ATG16L1: variants seen among roughly 807,000 people sequenced by gnomAD.
ATG16L1 encodes autophagy related 16 like 1.
ATG16L1 carries 37 observed loss-of-function variants against 88.5 expected under a neutral mutation model. That is an observed-to-expected ratio of 0.42 (90% CI 0.32 to 0.55). The LOEUF is 0.55. ATG16L1 is among the 20% of genes least tolerant of loss of function. ATG16L1 has a pLI of 0.13. For synonymous variants in ATG16L1, 301 were observed against 281.0 expected (o/e 1.07, Z -0.71); for missense variants, 554 against 752.8 (o/e 0.74, Z 3.09).
At chr2:233,264,830 C>T (rs1204087213) in intron 4 of ATG16L1, 62 bp from the exon 5 acceptor site, 13 of 1,596,160 alleles carry the variant, frequency 8.1e-6, no homozygotes, top group South Asian at 3.4e-5. Flanking sequence ...CAGCCAGGTC[C>T]GTCTGGCTCT....
At chr2:233,271,564 C>T (rs1482733518) in intron 6 of ATG16L1, among the ~76,000 whole-genome samples, 1 of 152,266 alleles carries the variant, frequency 6.6e-6, no homozygotes, top group Non-Finnish European at 1.5e-5. Context: ...AGGCATGAGC[C>T]ACCGAGCCCG....
At chr2:233,275,677 C>G (rs1698299624) in intron 9 of ATG16L1, 1 of 507,568 alleles carries the variant, frequency 2.0e-6, no homozygotes, top group Non-Finnish European at 4.0e-6. Context: ...ACGCCCCTTC[C>G]CAGTCCCACT....
At position 233,265,138 on chromosome 2, in the gene ATG16L1, C is replaced by T; in HGVS notation, c.636C>T (p.Asp212=). 1.9e-6 allele frequency: 3 copies of T among 1,613,892 alleles called. No individual in the cohort carries two copies. Among genetic ancestry groups the T allele is most frequent in the African/African-American group, 1.3e-5 (1 of 74,972 alleles). ...ANRLNAENEK[D]SRRRQARLQK... ...GGCTTAATGCAGAGAATGAAAAAGA[C>T]TCCAGGTGGGCTATCAATCCACAGT... Residue 212 remains aspartate (D), a synonymous_variant, in exon 5 of 18, where the codon GAC becomes GAT. Coordinates refer to ENST00000392017, the MANE Select transcript of ATG16L1 (RefSeq NM_030803.7).
intron 12 of ATG16L1, among the ~76,000 whole-genome samples, chr2:233,289,408 T>TGTGTGTGTGTGTGA (rs144316394): frequency 6.5e-4 from 97 of 149,654 alleles, no homozygotes; most frequent in Non-Finnish European, 1.1e-3. Context: ...TGTGTGTGTG[T>TGTGTGTGTGTGTGA]GACAGGATCT....
intron 2 of ATG16L1, among the ~76,000 whole-genome samples, chr2:233,256,851 A>C (rs866236802): frequency 2.0e-5 from 3 of 150,522 alleles, no homozygotes; most frequent in African/African-American, 7.3e-5. Context: ...ACAGGAACCC[A>C]CCACCACACC....
chr2:233,254,024 A>T (rs115395619), intron 1 of ATG16L1, among the ~76,000 whole-genome samples: 1,628 of 152,276 alleles, frequency 0.011, 29 homozygotes, highest in African/African-American at 0.037. Flanking sequence ...TAAAATGGGG[A>T]TGAAGCTTGC....
At chr2:233,293,569 T>TAA (rs1699611098) in intron 17 of ATG16L1, among the ~76,000 whole-genome samples, 1 of 152,058 alleles carries the variant, frequency 6.6e-6, no homozygotes, top group South Asian at 2.1e-4. Context: ...GTAGAGCGGT[T>TAA]AGAGTGGCAG....
intron 10 of ATG16L1, among the ~76,000 whole-genome samples, chr2:233,280,145 C>A (rs1698626961): frequency 6.6e-6 from 1 of 152,162 alleles, no homozygotes; most frequent in Non-Finnish European, 1.5e-5. Context: ...CAGCTTCAAA[C>A]CAGTATTCGT....
chr2:233,258,331 G>A (rs1412946464), intron 2 of ATG16L1, among the ~76,000 whole-genome samples: 1 of 152,178 alleles, frequency 6.6e-6, no homozygotes, highest in Non-Finnish European at 1.5e-5. Context: ...TCCTAGAGCT[G>A]TAGCTGCTCT....
At chr2:233,293,073 C>G (rs904376156) in intron 16 of ATG16L1, among the ~76,000 whole-genome samples, 183 bp from the exon 17 acceptor site, 1 of 152,166 alleles carries the variant, frequency 6.6e-6, no homozygotes, top group African/African-American at 2.4e-5. Context: ...CCGGACGGGG[C>G]TGAAATACTG....
chr2:233,294,978 A>G lies in ATG16L1; in HGVS notation c.*628A>G, dbSNP rs1351949741. On this transcript the variant is annotated 3_prime_UTR_variant, in exon 18 of 18. Coordinates refer to ENST00000392017, the MANE Select transcript of ATG16L1 (RefSeq NM_030803.7). ...TTTAAAAATCTCCGTGTGGCTTTAAAAAATGGTTTTTTGTTTTTTTGTTTT... is the reference window on the plus strand; with the variant it reads ...TTTAAAAATCTCCGTGTGGCTTTAAGAAATGGTTTTTTGTTTTTTTGTTTT... The G allele has an allele frequency of 6.6e-6, 1 of 152,442 alleles. No homozygotes were observed. The highest frequency in any genetic ancestry group is 2.4e-5 in the African/African-American group (1 of 41,442). 9.4% of individuals were successfully genotyped at this position (152,442 alleles called of 1,614,324 possible).
chr2:233,274,589 A>G, intron 8 of ATG16L1, 87 bp from the exon 9 acceptor site: 1 of 969,446 alleles, frequency 1.0e-6, no homozygotes, highest in Non-Finnish European at 1.6e-6. Context: ...TGCTTAAGCA[A>G]GGTCGTCTTG....
intron 1 of ATG16L1, among the ~76,000 whole-genome samples, chr2:233,252,816 TG>T (rs1696474762): frequency 6.6e-6 from 1 of 152,198 alleles, no homozygotes; most frequent in Non-Finnish European, 1.5e-5. Flanking sequence ...CAAAAATGTT[TG>T]TACCTTTACC....
Position 233,292,296 on chromosome 2 carries a change from G to A in ATG16L1, c.1580+19G>A. 6.2e-7 allele frequency: 1 copy of A among 1,614,032 alleles called. No homozygotes were observed. Among genetic ancestry groups the A allele is most frequent in the Non-Finnish European group, 8.5e-7 (1 of 1,180,036 alleles). ...CATTCAGGTAACTGAAGATGTGCTG[G>A]TTGCATGAAGACCAGAGGCCCAGCC... On this transcript the variant is annotated intron_variant, in intron 15 of 17. Transcript: ENST00000392017.
rs1696662444 is a variant in ATG16L1, at chr2:233,254,857, C to T, written c.116-1245C>T. The stretch of plus-strand genomic sequence containing the variant: ...AACAAGCTCTTTTAACAGGAATAGT[C>T]ACTAGCATAAACCCTGTCTTGTTCT... On this transcript the variant is annotated intron_variant, in intron 1 of 17. Coordinates refer to ENST00000392017, the MANE Select transcript of ATG16L1 (RefSeq NM_030803.7). Among the ~76,000 whole-genome samples, 7 of 152,256 alleles carry T rather than the reference C, an allele frequency of 4.6e-5. No individual in the cohort carries two copies. In the South Asian group the frequency reaches 1.4e-3, roughly 32 times the overall value.
chr2:233,277,043 CTACA>C (rs1698421219), intron 9 of ATG16L1: 3 of 152,640 alleles, frequency 2.0e-5, no homozygotes, highest in Admixed American at 2.0e-4. Context: ...CCAGAAAGAA[CTACA>C]TAGAATTCCA....
At chr2:233,280,219 A>G (rs1698633190) in intron 10 of ATG16L1, among the ~76,000 whole-genome samples, 2 of 152,214 alleles carry the variant, frequency 1.3e-5, no homozygotes, top group Admixed American at 6.5e-5. Context: ...TAAGATAAAA[A>G]TGTGTTGAAA....
At chr2:233,272,695 G>A (rs577669176) in intron 6 of ATG16L1, among the ~76,000 whole-genome samples, 41 of 152,300 alleles carry the variant, frequency 2.7e-4, no homozygotes, top group South Asian at 1.7e-3. Flanking sequence ...TGCTTCAAGT[G>A]GGAACTGTGT....
chr2:233,255,709 A>C (rs1696730552), intron 1 of ATG16L1, among the ~76,000 whole-genome samples: 1 of 152,168 alleles, frequency 6.6e-6, no homozygotes, highest in African/African-American at 2.4e-5. Flanking sequence ...TATTCTCTGT[A>C]CCTTTTTATA....
Sources: allele counts gnomAD v4.1 joint callset (sites outside exome capture counted in the v4.1 genomes callset), GRCh38; gene constraint gnomAD v4.1.1; transcripts MANE v1.5; gene names NCBI Gene and HGNC (gene_info 2026-07-23, HGNC 2026-07-21).